The following DPP4 variants were observed in gnomAD, a reference collection of about 807,000 sequenced individuals.
The protein encoded by DPP4 is ADCP-2.
A neutral mutation model predicts 122.4 loss-of-function variants in DPP4; 93 were observed. The observed-to-expected ratio is 0.76, with a 90% CI of 0.64 to 0.90. The LOEUF (loss-of-function observed/expected upper bound fraction) is 0.90. DPP4 is among the 40% of genes least tolerant of loss of function. The probability of loss-of-function intolerance (pLI) is 0.00; values close to 1 mark genes in which losing one functional copy is unlikely to be tolerated. For synonymous variants in DPP4, 321 were observed against 302.9 expected (o/e 1.06, Z -0.62); for missense variants, 914 against 907.3 (o/e 1.01, Z -0.09).
intron 2 of DPP4, among the ~76,000 whole-genome samples, chr2:162,066,690 C>A (rs1684957816): frequency 6.6e-6 from 1 of 152,122 alleles, no homozygotes; most frequent in South Asian, 2.1e-4. Flanking sequence ...TTATTTGGAT[C>A]ATGATTCTGG....
intron 20 of DPP4, among the ~76,000 whole-genome samples, chr2:162,009,513 T>TG (rs71408193): frequency 6.9e-6 from 1 of 144,274 alleles, no homozygotes; most frequent in African/African-American, 2.5e-5. Flanking sequence ...TTCATAAAAA[T>TG]TGTGTGTGTG....
chr2:162,062,757 C>T (rs1412334441), intron 2 of DPP4, among the ~76,000 whole-genome samples: 1 of 152,216 alleles, frequency 6.6e-6, no homozygotes, highest in Non-Finnish European at 1.5e-5. Context: ...AGAAACTCTG[C>T]TTTTAAACAG....
chr2:162,044,529 T>C (rs1338597705), intron 5 of DPP4, among the ~76,000 whole-genome samples: 1 of 152,046 alleles, frequency 6.6e-6, no homozygotes, highest in East Asian at 1.9e-4. Flanking sequence ...CAATATTATT[T>C]ATCCTAGAAA....
chr2:162,060,776 C>A (rs1319126939), intron 2 of DPP4, among the ~76,000 whole-genome samples: 15 of 152,140 alleles, frequency 9.9e-5, no homozygotes, highest in Admixed American at 9.8e-4. Context: ...TCATTCCACA[C>A]CCCAATCTAT....
chr2:162,045,624 G>T lies in DPP4; in HGVS notation c.286-12C>A, dbSNP rs948604270. 2 of 1,590,004 alleles carry T rather than the reference G, an allele frequency of 1.3e-6. No homozygotes were observed. Among genetic ancestry groups the T allele is most frequent in the African/African-American group, 2.7e-5 (2 of 74,232 alleles). On this transcript the variant is annotated splice_polypyrimidine_tract_variant and intron_variant, in intron 4 of 25. Transcript: ENST00000360534. The stretch of plus-strand genomic sequence containing the variant: ...TGTCCAAACTCATCCTGTCAAACAA[G>T]AAGAACAAAGAAAAATTGAACAATT...
Position 161,993,171 on chromosome 2 carries a change from T to C in DPP4, c.*112A>G, listed in dbSNP as rs574398313. 1 of 838,190 alleles carries C rather than the reference T, an allele frequency of 1.2e-6. No individual in the cohort carries two copies. Among genetic ancestry groups the C allele is most frequent in the African/African-American group, 1.7e-5 (1 of 58,656 alleles). 51.9% of individuals were successfully genotyped at this position (838,190 alleles called of 1,614,324 possible). On this transcript the variant is annotated 3_prime_UTR_variant, in exon 26 of 26. Coordinates refer to ENST00000360534, the MANE Select transcript of DPP4 (RefSeq NM_001935.4). Reference sequence around the variant, plus strand: ...GGGAACAAAGGTAACCTTAAGTTTCTTGATTTGAGTGTGTATTTTAAAGAT... The same window carrying C: ...GGGAACAAAGGTAACCTTAAGTTTCCTGATTTGAGTGTGTATTTTAAAGAT...
chr2:162,033,491 A>G, intron 10 of DPP4, 50 bp downstream of exon 10: 1 of 1,459,642 alleles, frequency 6.9e-7, no homozygotes, highest in Middle Eastern at 1.8e-4. Context: ...AGTTCTCCCT[A>G]GAAAGTGTAA....
chr2:162,038,939 A>G lies in DPP4; in HGVS notation c.492+10T>C. On this transcript the variant is annotated intron_variant, in intron 7 of 25. Transcript: ENST00000360534. ...CTATATTTTTCTGACAACTGGAGAG[A>G]CTCACTAACCAATTTATGACCCACT... 6.2e-7 allele frequency: 1 copy of G among 1,612,772 alleles called. No individual in the cohort carries two copies. The highest frequency in any genetic ancestry group is 8.5e-7 in the Non-Finnish European group (1 of 1,178,992).
intron 10 of DPP4, among the ~76,000 whole-genome samples, chr2:162,026,732 T>C (rs1576048418): frequency 1.3e-5 from 2 of 152,220 alleles, no homozygotes; most frequent in East Asian, 3.8e-4. Context: ...CTTCTGCATC[T>C]GCCCAATGCA....
At chr2:162,025,006 C>A (rs961004019) in intron 10 of DPP4, 67 bp from the exon 11 acceptor site, 19 of 1,544,796 alleles carry the variant, frequency 1.2e-5, no homozygotes, top group Middle Eastern at 3.4e-4. Context: ...GACCTTGGTA[C>A]AAATAGACAT....
chr2:162,051,509 C>T (rs1684382356), intron 2 of DPP4, among the ~76,000 whole-genome samples: 1 of 152,160 alleles, frequency 6.6e-6, no homozygotes, highest in African/African-American at 2.4e-5. Context: ...CTCGTTACGG[C>T]ACATAACTGT....
rs925010718 is a variant in DPP4, at chr2:161,993,326, G to T, written c.2258C>A (p.Thr753Asn). 1.2e-6 allele frequency: 2 copies of T among 1,613,630 alleles called. No individual in the cohort carries two copies. Among genetic ancestry groups the T allele is most frequent in the Non-Finnish European group, 1.7e-6 (2 of 1,179,726 alleles). Residue 753 changes from threonine to asparagine, a missense_variant, in exon 26 of 26, where the codon ACC becomes AAC. Physicochemically the swap from Thr to Asn is moderately conservative, Grantham distance 65. Coordinates refer to ENST00000360534, the MANE Select transcript of DPP4 (RefSeq NM_001935.4). ...TTGTTTTATGAAGTGGCTCATGTGG[G>T]TATATATATGTTGGTGTGCTGTGCT... ...ASSTAHQHIY[T>N]HMSHFIKQCF...
rs568085493 is a variant in DPP4 at position 162,019,190 on chromosome 2, T to A, written c.1298+33A>T. On this transcript the variant is annotated intron_variant, in intron 15 of 25. Transcript: ENST00000360534. ...TTCAGAAATTGTTCGTCAGCTAAAA[T>A]GACTCAAGTCAACAACTTGACAGAG... The A allele has an allele frequency of 5.1e-6, 8 of 1,569,558 alleles. No individual in the cohort carries two copies. In the South Asian group the frequency reaches 9.2e-5, roughly 18 times the overall value.
intron 4 of DPP4, 114 bp downstream of exon 4, chr2:162,046,801 A>G (rs1474738869): frequency 2.7e-6 from 2 of 753,520 alleles, no homozygotes; most frequent in Non-Finnish European, 4.8e-6. Flanking sequence ...CCACTTTGCC[A>G]TATGCTGCAG....
chr2:162,006,486 A>G (rs1371517155), intron 22 of DPP4, among the ~76,000 whole-genome samples: 3 of 152,110 alleles, frequency 2.0e-5, no homozygotes, highest in Non-Finnish European at 4.4e-5. Flanking sequence ...TGCAAGTTTA[A>G]CATTTGTTTT....
At position 161,993,168 on chromosome 2, in the gene DPP4, T is replaced by C; in HGVS notation, c.*115A>G. On this transcript the variant is annotated 3_prime_UTR_variant, in exon 26 of 26. Transcript: ENST00000360534. The stretch of plus-strand genomic sequence containing the variant: ...TTTGGGAACAAAGGTAACCTTAAGT[T>C]TCTTGATTTGAGTGTGTATTTTAAA... 1.2e-6 allele frequency: 1 copy of C among 810,804 alleles called. No individual in the cohort carries two copies. The highest frequency in any genetic ancestry group is 2.5e-5 in the East Asian group (1 of 39,598). The allele number at this position is 810,804 out of a possible 1,614,324, so 50.2% of individuals were successfully genotyped here.
intron 23 of DPP4, among the ~76,000 whole-genome samples, chr2:161,996,616 G>T (rs1483712673): frequency 6.6e-6 from 1 of 152,080 alleles, no homozygotes; most frequent in Non-Finnish European, 1.5e-5. Flanking sequence ...AGTAGTCCCC[G>T]CTTATTGGCA....
rs529609725 is a variant in DPP4, at chr2:162,035,414, T to C, written c.614-90A>G. The C allele has an allele frequency of 4.1e-5, 50 of 1,234,330 alleles. No individual in the cohort carries two copies. The East Asian group carries it at 7.7e-4, about 19-fold the overall frequency. 76.5% of individuals were successfully genotyped at this position (1,234,330 alleles called of 1,614,324 possible). ...ATATTGTTCTCATTAGCTTTAGTAA[T>C]TACAGTAGAGTTCAACTAATGAACC... is the stretch of plus-strand genomic sequence containing the variant. On this transcript the variant is annotated intron_variant, in intron 8 of 25. Transcript: ENST00000360534.
intron 21 of DPP4, 137 bp from the exon 22 acceptor site, chr2:162,008,798 A>T (rs2106085806): frequency 1.5e-6 from 1 of 686,254 alleles, no homozygotes; most frequent in East Asian, 2.7e-5. Flanking sequence ...AGGAGGCTTA[A>T]ATTGGCCTTA....
Sources: allele counts gnomAD v4.1 joint callset (sites outside exome capture counted in the v4.1 genomes callset), GRCh38; gene constraint gnomAD v4.1.1; transcripts MANE v1.5; gene names NCBI Gene and HGNC (gene_info 2026-07-23, HGNC 2026-07-21).